The following TXNRD1 variants were observed in gnomAD, a reference collection of about 807,000 sequenced individuals.
The protein encoded by TXNRD1 is thioredoxin reductase 1, cytoplasmic.
TXNRD1 carries 57 observed loss-of-function variants against 80.3 expected under a neutral mutation model. The ratio of observed to expected loss-of-function variants is 0.71; its 90% CI spans 0.57 to 0.89. The LOEUF (loss-of-function observed/expected upper bound fraction) is 0.89. Ranked by LOEUF, TXNRD1 falls within the 40% of genes least tolerant of loss-of-function variation. The pLI, the probability that TXNRD1 is intolerant of heterozygous loss-of-function variation, is 0.00. For synonymous variants in TXNRD1, 291 were observed against 285.2 expected, an observed-to-expected ratio of 1.02 and a Z score of -0.20; for missense variants, 730 against 803.0, an observed-to-expected ratio of 0.91 and a Z score of 1.10.
rs763566633 is a variant in TXNRD1, at chr12:104,348,439, G to A, written c.*18G>A. 1 of 1,613,494 alleles carries A rather than the reference G, an allele frequency of 6.2e-7. No homozygotes were observed. The highest frequency in any genetic ancestry group is 8.5e-7 in the Non-Finnish European group (1 of 1,179,500). ...GAGGTTAAGCCCCAGTGTGGATGCT[G>A]TTGCCAAGACTGCAAACCACTGGCT... On this transcript the variant is annotated 3_prime_UTR_variant, in exon 17 of 17. Coordinates refer to ENST00000525566, the MANE Select transcript of TXNRD1 (RefSeq NM_001093771.3).
chr12:104,306,343 T>A (rs1452146086), intron 4 of TXNRD1, among the ~76,000 whole-genome samples: 1 of 152,228 alleles, frequency 6.6e-6, no homozygotes, highest in Non-Finnish European at 1.5e-5. Flanking sequence ...ATTTGGAGAT[T>A]ATTGCCAAAA....
At chr12:104,255,169 A>G (rs181826368) in intron 2 of TXNRD1, among the ~76,000 whole-genome samples, 32 of 152,248 alleles carry the variant, frequency 2.1e-4, no homozygotes, top group African/African-American at 7.7e-4. Context: ...TCCAATTTTA[A>G]CCCTGCTGTA....
chr12:104,288,314 G>T lies in TXNRD1; in HGVS notation c.305-617G>T, dbSNP rs35456434. ...TCTAATGAATAGGCCTCATGTCAGT[G>T]TAACTGTGGAATCTGTATGTTCCAC... is the stretch of plus-strand genomic sequence containing the variant. On this transcript the variant is annotated intron_variant, in intron 3 of 16. Transcript: ENST00000525566. Among the ~76,000 whole-genome samples the T allele has an allele frequency of 6.4e-3, 979 of 152,350 alleles. 21 individuals are homozygous for T. In the South Asian group the frequency reaches 0.072, roughly 11 times the overall value.
intron 4 of TXNRD1, among the ~76,000 whole-genome samples, chr12:104,293,431 T>C (rs908334530): frequency 6.6e-6 from 1 of 152,118 alleles, no homozygotes; most frequent in African/African-American, 2.4e-5. Context: ...GTTCCAGTCT[T>C]GGGGGGTAGA....
At chr12:104,322,381 T>TTTC (rs1241517268) in intron 10 of TXNRD1, among the ~76,000 whole-genome samples, 1 of 136,144 alleles carries the variant, frequency 7.3e-6, no homozygotes, top group African/African-American at 2.7e-5. Flanking sequence ...TACCTTTTTT[T>TTTC]TTTTTTTTTT....
chr12:104,326,697 C>G (rs182584647), intron 12 of TXNRD1, among the ~76,000 whole-genome samples: 34 of 152,200 alleles, frequency 2.2e-4, no homozygotes, highest in African/African-American at 6.5e-4. Flanking sequence ...AACTCCTGAC[C>G]TCAGGTGATC....
intron 13 of TXNRD1, among the ~76,000 whole-genome samples, chr12:104,328,110 A>C (rs2035828186): frequency 6.6e-6 from 1 of 151,562 alleles, no homozygotes; most frequent in Non-Finnish European, 1.5e-5. Flanking sequence ...GGTTGCAGTG[A>C]GCCAAGATTG....
chr12:104,312,306 G>A (rs554296668), intron 5 of TXNRD1, among the ~76,000 whole-genome samples: 1 of 152,302 alleles, frequency 6.6e-6, no homozygotes, highest in South Asian at 2.1e-4. Context: ...TTAGGAGTGA[G>A]GCTCCTGGTT....
chr12:104,257,952 T>A, intron 2 of TXNRD1, 67 bp from the exon 3 acceptor site: 1 of 1,234,290 alleles, frequency 8.1e-7, no homozygotes, highest in Non-Finnish European at 1.1e-6. Context: ...CAAAGCTGGA[T>A]AAGAGATTCT....
intron 1 of TXNRD1, among the ~76,000 whole-genome samples, chr12:104,244,931 TAG>T (rs1352134094): frequency 6.6e-6 from 1 of 152,180 alleles, no homozygotes; most frequent in Non-Finnish European, 1.5e-5. Context: ...TCCCTGTATC[TAG>T]AAAGGTTATG....
chr12:104,271,461 G>A (rs1215358346), intron 3 of TXNRD1, among the ~76,000 whole-genome samples: 1 of 152,144 alleles, frequency 6.6e-6, no homozygotes, highest in East Asian at 1.9e-4. Flanking sequence ...ACAGGCATGA[G>A]CCACCACACC....
chr12:104,341,761 A>C (rs1196217866), intron 16 of TXNRD1, among the ~76,000 whole-genome samples: 1 of 152,140 alleles, frequency 6.6e-6, no homozygotes, highest in Non-Finnish European at 1.5e-5. Context: ...TGGAGTTAGC[A>C]TCAGATCCTG....
intron 3 of TXNRD1, among the ~76,000 whole-genome samples, chr12:104,287,843 C>T (rs577057188): frequency 6.6e-6 from 1 of 152,174 alleles, no homozygotes; most frequent in Non-Finnish European, 1.5e-5. Flanking sequence ...GTACCTGTTT[C>T]CCTGTCTGTA....
chr12:104,267,177 A>T lies in TXNRD1; in HGVS notation c.304+9098A>T, dbSNP rs200470707. Among the ~76,000 whole-genome samples the T allele has an allele frequency of 9.9e-3, 1,328 of 133,644 alleles. 38 individuals carry two copies. Among genetic ancestry groups the T allele is most frequent in the African/African-American group, 0.034 (1,221 of 36,310 alleles). 87.7% of individuals were successfully genotyped at this position (133,644 alleles called of 152,430 possible). On this transcript the variant is annotated intron_variant, in intron 3 of 16. Transcript: ENST00000525566. The stretch of plus-strand genomic sequence containing the variant: ...TGAGACTCCCTCTCAAAAAAAAAAA[A>T]AAATAATATAATAATTAATAATAAT...
intron 3 of TXNRD1, among the ~76,000 whole-genome samples, chr12:104,277,986 C>G (rs2033792335): frequency 6.6e-6 from 1 of 151,064 alleles, no homozygotes; most frequent in African/African-American, 2.4e-5. Flanking sequence ...ACTCCATTCT[C>G]CTGCCTCACC....
chr12:104,337,414 G>A (rs185090382), intron 15 of TXNRD1, among the ~76,000 whole-genome samples: 15 of 152,100 alleles, frequency 9.9e-5, no homozygotes, highest in African/African-American at 3.4e-4. Flanking sequence ...CAGAGTCTGC[G>A]CTGAAAATCT....
chr12:104,339,011 C>T (rs1033396034), intron 15 of TXNRD1, 128 bp from the exon 16 acceptor site: 23 of 1,293,682 alleles, frequency 1.8e-5, no homozygotes, highest in South Asian at 7.4e-5. Flanking sequence ...CCACTGCGCC[C>T]GGCCAGTCTC....
intron 1 of TXNRD1, among the ~76,000 whole-genome samples, chr12:104,216,147 C>A (rs1223872881): frequency 6.6e-6 from 1 of 152,256 alleles, no homozygotes; most frequent in African/African-American, 2.4e-5. Context: ...AGGAGCGGGC[C>A]CGCCGCGAGG....
At chr12:104,303,661 T>C (rs2034738894) in intron 4 of TXNRD1, 3 of 450,814 alleles carry the variant, frequency 6.7e-6, no homozygotes, top group African/African-American at 2.1e-5. Flanking sequence ...GGCTTGTGGC[T>C]GGGCCGGGCC....
Sources: gnomAD v4.1 joint callset for allele counts (sites outside exome capture counted in the v4.1 genomes callset) on GRCh38, gnomAD v4.1.1 for gene constraint, MANE v1.5 for transcripts, NCBI Gene and HGNC (gene_info 2026-07-23, HGNC 2026-07-21) for gene names.